The following ITPR2 variants were observed in gnomAD, a reference collection of about 807,000 sequenced individuals.
ITPR2 encodes the protein inositol 1,4,5-trisphosphate-gated calcium channel ITPR2.
Under a neutral mutation model 317.1 loss-of-function variants are expected in ITPR2, and 207 were observed. That is an observed-to-expected ratio of 0.65 (90% CI 0.58 to 0.73). The LOEUF (loss-of-function observed/expected upper bound fraction) is 0.73. Among genes scored for constraint, ITPR2 ranks in the 30% least tolerant of loss-of-function variants. The pLI, the probability that ITPR2 is intolerant of heterozygous loss-of-function variation, is 0.00. For synonymous variants in ITPR2, 1,156 were observed against 1,149.1 expected (o/e 1.01, Z -0.12); for missense variants, 2,613 against 3,284.0 (o/e 0.80, Z 4.99).
chr12:26,395,571 C>A (rs1359621618), intron 54 of ITPR2, among the ~76,000 whole-genome samples: 1 of 149,198 alleles, frequency 6.7e-6, no homozygotes, highest in African/African-American at 2.4e-5. Context: ...AGTGTACCAA[C>A]ATGATGATGA....
chr12:26,800,396 ATAAC>A (rs1950535551), intron 1 of ITPR2, among the ~76,000 whole-genome samples: 1 of 152,248 alleles, frequency 6.6e-6, no homozygotes, highest in Non-Finnish European at 1.5e-5. Context: ...AAAATATAAA[ATAAC>A]TATTATGAAA....
intron 55 of ITPR2, among the ~76,000 whole-genome samples, chr12:26,378,557 T>C (rs1939413213): frequency 6.6e-6 from 1 of 152,158 alleles, no homozygotes; most frequent in African/African-American, 2.4e-5. Flanking sequence ...TGATTTGACT[T>C]AAGGTTTCTC....
intron 1 of ITPR2, among the ~76,000 whole-genome samples, chr12:26,792,102 G>A (rs1950351119): frequency 6.6e-6 from 1 of 152,112 alleles, no homozygotes; most frequent in Non-Finnish European, 1.5e-5. Flanking sequence ...AGATGACAGT[G>A]TATTTATGTG....
chr12:26,403,381 G>A (rs992996212), intron 52 of ITPR2, among the ~76,000 whole-genome samples: 3 of 152,192 alleles, frequency 2.0e-5, no homozygotes, highest in Admixed American at 2.0e-4. Flanking sequence ...TTTCAACAGG[G>A]TAAGTTGGCT....
chr12:26,670,449 T>C (rs866087620), intron 13 of ITPR2, among the ~76,000 whole-genome samples: 2 of 152,260 alleles, frequency 1.3e-5, no homozygotes, highest in Middle Eastern at 6.8e-3. Flanking sequence ...GGGTCTGGAG[T>C]GGACCTCTAG....
intron 26 of ITPR2, among the ~76,000 whole-genome samples, chr12:26,607,544 C>T (rs1193995436): frequency 2.0e-5 from 3 of 152,202 alleles, no homozygotes; most frequent in South Asian, 2.1e-4. Flanking sequence ...TGGAAAGCTA[C>T]TTTGCACGAT....
intron 45 of ITPR2, among the ~76,000 whole-genome samples, chr12:26,448,002 T>TAAAAAAA (rs10648745): frequency 8.1e-4 from 119 of 147,616 alleles, no homozygotes; most frequent in African/African-American, 2.6e-3. Context: ...GACTTTTTTT[T>TAAAAAAA]AAAAAAAAAA....
chr12:26,719,081 G>T (rs1948790577), intron 5 of ITPR2, among the ~76,000 whole-genome samples: 1 of 152,086 alleles, frequency 6.6e-6, no homozygotes, highest in Non-Finnish European at 1.5e-5. Flanking sequence ...GCCTAACCAA[G>T]CTGAATAAAA....
At chr12:26,490,680 G>T (rs955579452) in intron 39 of ITPR2, among the ~76,000 whole-genome samples, 16 of 152,254 alleles carry the variant, frequency 1.1e-4, no homozygotes, top group Non-Finnish European at 2.2e-4. Context: ...AGGCATGGTA[G>T]TGGGTGCCTG....
chr12:26,483,550 C>T, intron 42 of ITPR2, 148 bp downstream of exon 42: 1 of 618,250 alleles, frequency 1.6e-6, no homozygotes, highest in Non-Finnish European at 2.9e-6. Context: ...ATAGTATTTC[C>T]TTGTCTATAA....
Position 26,833,020 on chromosome 12 carries a change from G to A in ITPR2, c.-239C>T. 2.1e-6 allele frequency: 1 copy of A among 480,796 alleles called. No individual in the cohort carries two copies. The highest frequency in any genetic ancestry group is 3.6e-6 in the Non-Finnish European group (1 of 276,642). 29.8% of individuals were successfully genotyped at this position (480,796 alleles called of 1,614,324 possible). A position where few individuals can be genotyped will look rare whatever the true frequency, so the allele number is the denominator to read the frequency against. On this transcript the variant is annotated 5_prime_UTR_variant, in exon 1 of 57. Coordinates refer to ENST00000381340, the MANE Select transcript of ITPR2 (RefSeq NM_002223.4). The stretch of plus-strand genomic sequence containing the variant: ...ACCCCGCGAAGAGCGCAGCCCAGGC[G>A]CCCAGAGAAGCCGCAGCCGCCGCCG...
chr12:26,569,632 G>A (rs960790809), intron 34 of ITPR2, among the ~76,000 whole-genome samples: 2 of 151,366 alleles, frequency 1.3e-5, no homozygotes, highest in African/African-American at 4.8e-5. Flanking sequence ...TCTTAAAAAT[G>A]GTTACACAAA....
At chr12:26,621,414 AGTATTT>A (rs1946491295) in intron 25 of ITPR2, 118 bp from the exon 26 acceptor site, 2 of 596,980 alleles carry the variant, frequency 3.4e-6, no homozygotes, top group African/African-American at 3.9e-5. Flanking sequence ...ACACTTAACC[AGTATTT>A]TCACACATTA....
chr12:26,763,842 C>A (rs959116308), intron 2 of ITPR2, among the ~76,000 whole-genome samples: 1 of 152,050 alleles, frequency 6.6e-6, no homozygotes, highest in African/African-American at 2.4e-5. Flanking sequence ...AAAGCCAGAT[C>A]TTTACATCTA....
intron 34 of ITPR2, among the ~76,000 whole-genome samples, chr12:26,576,514 C>G (rs1945281223): frequency 6.6e-6 from 1 of 152,184 alleles, no homozygotes. Flanking sequence ...GAGCGCAGCG[C>G]AGTAAGTGTC....
intron 54 of ITPR2, among the ~76,000 whole-genome samples, chr12:26,388,865 A>G (rs143438813): frequency 2.6e-5 from 4 of 151,810 alleles, no homozygotes; most frequent in African/African-American, 7.3e-5. Flanking sequence ...ATAAACTACA[A>G]TTTTCTTCCC....
At chr12:26,733,669 G>T (rs1949065140) in intron 2 of ITPR2, among the ~76,000 whole-genome samples, 1 of 152,094 alleles carries the variant, frequency 6.6e-6, no homozygotes, top group African/African-American at 2.4e-5. Context: ...TTTGGAGTGG[G>T]GAGGAAAAGT....
intron 55 of ITPR2, among the ~76,000 whole-genome samples, chr12:26,378,809 C>A (rs1230151659): frequency 6.6e-6 from 1 of 152,160 alleles, no homozygotes; most frequent in Non-Finnish European, 1.5e-5. Flanking sequence ...TACTTCTAAT[C>A]TTTGTAGGAA....
At chr12:26,389,211 G>T (rs1235161004) in intron 54 of ITPR2, among the ~76,000 whole-genome samples, 1 of 152,094 alleles carries the variant, frequency 6.6e-6, no homozygotes, top group East Asian at 1.9e-4. Flanking sequence ...AAGAGAAATG[G>T]TGTCTCTCTT....
Sources: gnomAD v4.1 joint callset for allele counts (sites outside exome capture counted in the v4.1 genomes callset) on GRCh38, gnomAD v4.1.1 for gene constraint, MANE v1.5 for transcripts, NCBI Gene and HGNC (gene_info 2026-07-23, HGNC 2026-07-21) for gene names.